The following JMJD1C variants were observed in gnomAD, a reference collection of about 807,000 sequenced individuals.
The protein encoded by JMJD1C is jumonji domain containing 1C.
Under a neutral mutation model 245.3 loss-of-function variants are expected in JMJD1C, and 31 were observed. That is an observed-to-expected ratio of 0.13 (90% confidence interval 0.09 to 0.17). The LOEUF (loss-of-function observed/expected upper bound fraction) is 0.17, where lower values mean the gene tolerates loss of function less well. Among genes scored for constraint, JMJD1C ranks in the 10% least tolerant of loss-of-function variants. The probability of loss-of-function intolerance (pLI) is 1.00; values close to 1 mark genes in which losing one functional copy is unlikely to be tolerated. For missense variants in JMJD1C, 2,691 were observed against 3,000.2 expected (o/e 0.90, Z 2.41); for synonymous variants, 1,057 against 1,017.4 (o/e 1.04, Z -0.74).
rs1488516711 is a variant in JMJD1C at position 63,356,700 on chromosome 10, T to A, written c.333+23618A>T. 2.0e-5 allele frequency among the ~76,000 whole-genome samples: 3 copies of A among 152,194 alleles called. No individual in the cohort carries two copies. The East Asian group carries it at 5.8e-4, about 29-fold the overall frequency. ...AACACTTTTGGTAAATATTTATGTT[T>A]ACCCAGAAAGAAGGAAGCAAAGTGA... is the stretch of plus-strand genomic sequence containing the variant. On this transcript the variant is annotated intron_variant, in intron 2 of 25. Transcript: ENST00000399262.
intron 2 of JMJD1C, among the ~76,000 whole-genome samples, chr10:63,342,188 A>T (rs568302293): frequency 9.8e-5 from 15 of 152,364 alleles, no homozygotes; most frequent in African/African-American, 3.6e-4. Flanking sequence ...ACCAATAGTG[A>T]AATAGCCAAA....
intron 1 of JMJD1C, among the ~76,000 whole-genome samples, chr10:63,424,332 G>T (rs983747797): frequency 6.6e-6 from 1 of 151,424 alleles, no homozygotes; most frequent in Non-Finnish European, 1.5e-5. Context: ...CTCCCAAAGT[G>T]ATGGGATTAC....
At chr10:63,471,539 G>A (rs771292638) in intron 1 of JMJD1C, among the ~76,000 whole-genome samples, 1 of 152,146 alleles carries the variant, frequency 6.6e-6, no homozygotes, top group Non-Finnish European at 1.5e-5. Flanking sequence ...AACAAATATT[G>A]TTAGAAAGAC....
At chr10:63,262,131 G>T (rs1854846220) in intron 3 of JMJD1C, among the ~76,000 whole-genome samples, 1 of 152,150 alleles carries the variant, frequency 6.6e-6, no homozygotes, top group Non-Finnish European at 1.5e-5. Flanking sequence ...CTTACAGAGG[G>T]TTACCCTAAG....
At chr10:63,293,062 A>C (rs1564744553) in intron 2 of JMJD1C, among the ~76,000 whole-genome samples, 2 of 152,112 alleles carry the variant, frequency 1.3e-5, no homozygotes, top group Non-Finnish European at 2.9e-5. Flanking sequence ...AACAAACAAA[A>C]CAAACAAACC....
intron 3 of JMJD1C, among the ~76,000 whole-genome samples, chr10:63,251,636 T>C (rs535503404): frequency 6.6e-6 from 1 of 152,276 alleles, no homozygotes; most frequent in South Asian, 2.1e-4. Flanking sequence ...ATTATAACCA[T>C]TCAGAAAGGA....
intron 10 of JMJD1C, chr10:63,203,351 C>G (rs576592708): frequency 1.0e-6 from 1 of 984,474 alleles, no homozygotes; most frequent in East Asian, 1.1e-4. Context: ...ATGGATACTT[C>G]TTCATTTATA....
At chr10:63,322,610 C>G (rs1326979431) in intron 2 of JMJD1C, among the ~76,000 whole-genome samples, 2 of 151,892 alleles carry the variant, frequency 1.3e-5, no homozygotes, top group African/African-American at 4.8e-5. Flanking sequence ...GTCTGGAGTT[C>G]AAGACCAGCC....
chr10:63,322,750 C>A (rs557554159), intron 2 of JMJD1C, among the ~76,000 whole-genome samples: 76 of 140,828 alleles, frequency 5.4e-4, no homozygotes, highest in African/African-American at 2.0e-3. Context: ...TTGCAGTGAG[C>A]CAAGATCGCA....
intron 8 of JMJD1C, among the ~76,000 whole-genome samples, chr10:63,212,129 C>T (rs573675356): frequency 2.2e-4 from 33 of 152,062 alleles, no homozygotes; most frequent in Admixed American, 9.2e-4. Flanking sequence ...GTCATGAAAA[C>T]CATAGAAACA....
chr10:63,202,071 AG>A (rs771434466), intron 10 of JMJD1C, among the ~76,000 whole-genome samples: 123 of 151,682 alleles, frequency 8.1e-4, no homozygotes, highest in Non-Finnish European at 1.4e-3. Flanking sequence ...TCTGGCCAAT[AG>A]GTGAAACCCT....
intron 2 of JMJD1C, among the ~76,000 whole-genome samples, chr10:63,299,889 T>G (rs1859883057): frequency 6.6e-6 from 1 of 150,418 alleles, no homozygotes; most frequent in Admixed American, 6.6e-5. Context: ...AATTTTCAGT[T>G]TTTTTTTTTA....
At chr10:63,501,057 A>C (rs1269686622) in intron 1 of JMJD1C, among the ~76,000 whole-genome samples, 1 of 152,192 alleles carries the variant, frequency 6.6e-6, no homozygotes, top group Non-Finnish European at 1.5e-5. Flanking sequence ...AGACATAAAA[A>C]CTGAGTAAAG....
At chr10:63,220,904 C>A (rs1007702892) in intron 3 of JMJD1C, among the ~76,000 whole-genome samples, 3 of 151,922 alleles carry the variant, frequency 2.0e-5, no homozygotes, top group Non-Finnish European at 4.4e-5. Context: ...GTCAGGAGAT[C>A]GAGACCATCC....
intron 2 of JMJD1C, among the ~76,000 whole-genome samples, chr10:63,308,751 C>CAAAA (rs377153800): frequency 2.4e-4 from 12 of 49,832 alleles, no homozygotes; most frequent in Admixed American, 4.2e-4. Context: ...CATTTGAGAA[C>CAAAA]AAAAAAAAAA....
intron 2 of JMJD1C, among the ~76,000 whole-genome samples, chr10:63,306,350 A>C (rs1307650776): frequency 1.3e-5 from 2 of 152,188 alleles, no homozygotes; most frequent in Admixed American, 6.5e-5. Context: ...TTGGCCTCCC[A>C]AAGTACTGGA....
At chr10:63,499,668 G>GA (rs1330887882) in intron 1 of JMJD1C, among the ~76,000 whole-genome samples, 3 of 151,620 alleles carry the variant, frequency 2.0e-5, no homozygotes, top group Non-Finnish European at 4.4e-5. Context: ...CAAATACTAA[G>GA]AAAAAAAGAA....
At chr10:63,216,428 G>A (rs374433876) in intron 5 of JMJD1C, among the ~76,000 whole-genome samples, 81 of 152,114 alleles carry the variant, frequency 5.3e-4, no homozygotes, top group African/African-American at 1.9e-3. Context: ...AACTCCATAG[G>A]AGCCGGGCGC....
At chr10:63,276,082 A>G (rs1856740999) in intron 2 of JMJD1C, among the ~76,000 whole-genome samples, 2 of 152,210 alleles carry the variant, frequency 1.3e-5, no homozygotes, top group Non-Finnish European at 2.9e-5. Flanking sequence ...AGATTAAATT[A>G]TATGTTAGAA....
Sources: allele counts gnomAD v4.1 joint callset (sites outside exome capture counted in the v4.1 genomes callset), GRCh38; gene constraint gnomAD v4.1.1; transcripts MANE v1.5; gene names NCBI Gene and HGNC (gene_info 2026-07-23, HGNC 2026-07-21).